RBM19: variants seen among roughly 807,000 people sequenced by gnomAD.
RBM19 encodes probable RNA-binding protein 19.
RBM19 carries 94 observed loss-of-function variants against 116.8 expected under a neutral mutation model. The ratio of observed to expected loss-of-function variants is 0.80; its 90% CI spans 0.68 to 0.95. The LOEUF (loss-of-function observed/expected upper bound fraction) is 0.95. RBM19 is among the 40% of genes least tolerant of loss of function. The probability of loss-of-function intolerance (pLI) is 0.00; values close to 1 mark genes in which losing one functional copy is unlikely to be tolerated. For synonymous variants in RBM19, 475 were observed against 494.1 expected, an observed-to-expected ratio of 0.96 and a Z score of 0.51; for missense variants, 1,161 against 1,220.7, an observed-to-expected ratio of 0.95 and a Z score of 0.73.
chr12:113,940,064 T>C lies in RBM19; in HGVS notation c.1834A>G (p.Ser612Gly). The C allele has an allele frequency of 6.2e-7, 1 of 1,614,072 alleles. No individual in the cohort carries two copies. The highest frequency in any genetic ancestry group is 2.2e-5 in the East Asian group (1 of 44,852). ...TCTGGCAGCAGCACGCGGCCCAGGC[T>C]GCCAAAATGGCCGAAGGTCTCCTGC... ...QLQETFGHFG[S>G]LGRVLLPEGG... is the part of the protein sequence containing the mutation. The change falls in exon 15 of 24, where the codon AGC (serine) becomes GGC (glycine). Residue 612 changes from serine (S) to glycine (G), a missense_variant. Physicochemically the swap from Ser to Gly is moderately conservative, Grantham distance 56 (BLOSUM62 0). Coordinates refer to ENST00000261741, the MANE Select transcript of RBM19 (RefSeq NM_016196.4).
At chr12:113,870,366 C>G (rs1044025874) in intron 21 of RBM19, among the ~76,000 whole-genome samples, 3 of 152,136 alleles carry the variant, frequency 2.0e-5, no homozygotes, top group African/African-American at 7.2e-5. Flanking sequence ...CTGAAAGGGC[C>G]CTATCAATTT....
rs140899584 is a variant in RBM19, at chr12:113,886,939, G to A, written c.2558+28030C>T. ...TCTCAGAGGAATGCAGAAAGCCTGC[G>A]CTGAGAGGGAATTCCGTGTTCATCT... On this transcript the variant is annotated intron_variant, in intron 21 of 23. Coordinates refer to ENST00000261741, the MANE Select transcript of RBM19 (RefSeq NM_016196.4). Among the ~76,000 whole-genome samples, 105 of 151,978 alleles carry A rather than the reference G, an allele frequency of 6.9e-4. 4 individuals carry two copies. In the East Asian group the frequency reaches 7.4e-3, roughly 11 times the overall value.
intron 20 of RBM19, 81 bp from the exon 21 acceptor site, chr12:113,915,166 T>A: frequency 9.0e-7 from 1 of 1,115,136 alleles, no homozygotes; most frequent in Non-Finnish European, 1.4e-6. Context: ...TACGCCTCCA[T>A]CAGAATATTC....
Position 113,833,190 on chromosome 12 carries a change from C to A in RBM19, c.2786-9869G>T, listed in dbSNP as rs114370939. On this transcript the variant is annotated intron_variant, in intron 23 of 23. Coordinates refer to ENST00000261741, the MANE Select transcript of RBM19 (RefSeq NM_016196.4). ...CTGGGCCTCTGCTCACCATGCAGCA[C>A]CACCATCCCGTGAGTGGCTTGGAGC... 8.1e-3 allele frequency among the ~76,000 whole-genome samples: 1,235 copies of A among 152,286 alleles called. 22 individuals are homozygous for A. Among genetic ancestry groups the A allele is most frequent in the African/African-American group, 0.028 (1,144 of 41,542 alleles).
At chr12:113,878,826 G>GAAA (rs55682400) in intron 21 of RBM19, among the ~76,000 whole-genome samples, 1 of 79,128 alleles carries the variant, frequency 1.3e-5, no homozygotes, top group Non-Finnish European at 2.5e-5. Context: ...CCAAAGAATT[G>GAAA]AAAAAAAAAA....
intron 10 of RBM19, 102 bp from the exon 11 acceptor site, chr12:113,947,566 G>A (rs1871139251): frequency 2.3e-6 from 3 of 1,315,546 alleles, no homozygotes; most frequent in African/African-American, 2.9e-5. Flanking sequence ...CAGGTCATGG[G>A]TGTCATTTCC....
chr12:113,959,932 G>T (rs765406096), intron 3 of RBM19, 29 bp from the exon 4 acceptor site: 21 of 1,614,016 alleles, frequency 1.3e-5, no homozygotes, highest in Non-Finnish European at 1.8e-5. Flanking sequence ...GAGAGTGAGG[G>T]TCACACAGAT....
At chr12:113,833,654 T>A (rs962737014) in intron 23 of RBM19, among the ~76,000 whole-genome samples, 1 of 152,226 alleles carries the variant, frequency 6.6e-6, no homozygotes, top group South Asian at 2.1e-4. Context: ...AAATGCTGAC[T>A]TGGCAGAAAG....
At chr12:113,938,909 C>A (rs918110184) in intron 15 of RBM19, among the ~76,000 whole-genome samples, 2 of 152,144 alleles carry the variant, frequency 1.3e-5, no homozygotes, top group East Asian at 3.9e-4. Flanking sequence ...CTGTGGCCTT[C>A]GGAACCGTGG....
chr12:113,923,056 C>T (rs188097356), intron 18 of RBM19, among the ~76,000 whole-genome samples: 104 of 152,314 alleles, frequency 6.8e-4, no homozygotes, highest in Admixed American at 1.1e-3. Flanking sequence ...ATCGTTTGAA[C>T]CCAGGAGACA....
chr12:113,884,704 A>G (rs1270247909), intron 21 of RBM19, among the ~76,000 whole-genome samples: 1 of 152,222 alleles, frequency 6.6e-6, no homozygotes, highest in Admixed American at 6.5e-5. Context: ...GGCACTGAGA[A>G]AGTACAAGAT....
rs747721591 is a variant in RBM19 at position 113,920,581 on chromosome 12, G to A, written c.2385+30C>T. ...CTCCCACTACCTGCCAAGTGCCTCC[G>A]TGGCCCTCAGCTGAGAATCTTCACT... On this transcript the variant is annotated intron_variant, in intron 19 of 23. Transcript: ENST00000261741. The A allele has an allele frequency of 3.1e-5, 49 of 1,596,144 alleles. No homozygotes were observed. In the South Asian group the frequency reaches 3.2e-4, roughly 10 times the overall value.
chr12:113,927,725 G>A (rs547456253), intron 16 of RBM19, among the ~76,000 whole-genome samples: 1 of 151,868 alleles, frequency 6.6e-6, no homozygotes, highest in Non-Finnish European at 1.5e-5. Flanking sequence ...TGAACCTAAA[G>A]AATGTTACAT....
intron 22 of RBM19, among the ~76,000 whole-genome samples, chr12:113,850,390 C>T (rs929930589): frequency 4.6e-5 from 7 of 152,248 alleles, no homozygotes; most frequent in Non-Finnish European, 1.0e-4. Context: ...GAAATCACAG[C>T]TCTTTGAGCT....
chr12:113,871,632 A>G (rs2135766623), intron 21 of RBM19, among the ~76,000 whole-genome samples: 1 of 152,364 alleles, frequency 6.6e-6, no homozygotes, highest in East Asian at 1.9e-4. Context: ...TCCCTTGATT[A>G]CACAAAAAGT....
At chr12:113,933,888 G>A (rs10850241) in intron 16 of RBM19, among the ~76,000 whole-genome samples, 24,265 of 152,160 alleles carry the variant, frequency 0.16, 2,568 homozygotes, top group African/African-American at 0.3. Flanking sequence ...CACCCAGCTC[G>A]GCTGCTGGCT....
intron 22 of RBM19, among the ~76,000 whole-genome samples, chr12:113,846,553 A>T (rs996877795): frequency 1.3e-4 from 20 of 152,202 alleles, no homozygotes; most frequent in African/African-American, 4.8e-4. Flanking sequence ...CCGTGGGGAG[A>T]TGGAGGCAGA....
intron 23 of RBM19, among the ~76,000 whole-genome samples, chr12:113,835,798 G>A (rs1294913343): frequency 6.6e-6 from 1 of 152,354 alleles, no homozygotes; most frequent in Non-Finnish European, 1.5e-5. Flanking sequence ...AGCTCTGGAG[G>A]TGAAAGGTAG....
chr12:113,917,775 G>A (rs1566015691), intron 20 of RBM19, among the ~76,000 whole-genome samples: 3 of 152,158 alleles, frequency 2.0e-5, no homozygotes, highest in Non-Finnish European at 2.9e-5. Context: ...GTTATGTGCC[G>A]GACACTGTTG....
Sources: allele counts gnomAD v4.1 joint callset (sites outside exome capture counted in the v4.1 genomes callset), GRCh38; gene constraint gnomAD v4.1.1; transcripts MANE v1.5; gene names NCBI Gene and HGNC (gene_info 2026-07-23, HGNC 2026-07-21).